The following TLN2 variants were observed in gnomAD, a reference collection of about 807,000 sequenced individuals.
TLN2 encodes talin 2, also known as talin-2.
Under a neutral mutation model 294.7 loss-of-function variants are expected in TLN2, and 118 were observed. The ratio of observed to expected loss-of-function variants is 0.40; its 90% CI spans 0.34 to 0.47. The LOEUF (loss-of-function observed/expected upper bound fraction) is 0.47, where lower values mean the gene tolerates loss of function less well. TLN2 is among the 20% of genes least tolerant of loss of function. The probability of loss-of-function intolerance (pLI) is 0.84; values close to 1 mark genes in which losing one functional copy is unlikely to be tolerated. For synonymous variants in TLN2, 1,431 were observed against 1,304.5 expected (o/e 1.10, Z -2.09); for missense variants, 3,083 against 3,282.2 (o/e 0.94, Z 1.48).
At chr15:62,501,806 T>G (rs1038480471) in intron 1 of TLN2, among the ~76,000 whole-genome samples, 4 of 152,234 alleles carry the variant, frequency 2.6e-5, no homozygotes, top group African/African-American at 7.2e-5. Flanking sequence ...GTTTTTTATT[T>G]AATTTTAAGT....
At position 62,737,058 on chromosome 15, in the gene TLN2, A is replaced by T. The variant is rs760256369; in HGVS notation, c.3539A>T (p.Asp1180Val). 1.2e-6 allele frequency: 2 copies of T among 1,614,224 alleles called. No homozygotes were observed. The highest frequency in any genetic ancestry group is 1.7e-6 in the Non-Finnish European group (2 of 1,180,044). ...EAKQALIAPGDAERQQRLAQV... is the reference protein window; with the variant it reads ...EAKQALIAPGVAERQQRLAQV... Reference sequence around the variant, plus strand: ...AAGCAGGCCCTGATTGCACCTGGAGATGCAGAGCGTCAACAAAGACTGGCT... The same window carrying T: ...AAGCAGGCCCTGATTGCACCTGGAGTTGCAGAGCGTCAACAAAGACTGGCT... The change falls in exon 29 of 59, where the codon GAT (aspartate) becomes GTT (valine). Residue 1180 changes from aspartate (D) to valine (V), a missense_variant. By Grantham distance (152) the Asp-to-Val change is radical. Coordinates refer to ENST00000636159, the MANE Select transcript of TLN2 (RefSeq NM_015059.3).
At chr15:62,605,234 T>C (rs905302097) in intron 2 of TLN2, among the ~76,000 whole-genome samples, 5 of 152,234 alleles carry the variant, frequency 3.3e-5, no homozygotes, top group Admixed American at 2.6e-4. Context: ...TGGGCAATAC[T>C]ATAGTTTATA....
intron 1 of TLN2, among the ~76,000 whole-genome samples, chr15:62,496,785 C>G (rs530473335): frequency 6.6e-6 from 1 of 152,160 alleles, no homozygotes; most frequent in South Asian, 2.1e-4. Flanking sequence ...TGTTATGGAT[C>G]GCGACCAACT....
intron 1 of TLN2, among the ~76,000 whole-genome samples, chr15:62,495,577 C>T (rs2038972856): frequency 6.6e-6 from 1 of 152,212 alleles, no homozygotes; most frequent in South Asian, 2.1e-4. Context: ...AAATTGGGAG[C>T]AAGAGGCTGA....
At chr15:62,536,245 G>C (rs1486937814) in intron 1 of TLN2, among the ~76,000 whole-genome samples, 1 of 152,112 alleles carries the variant, frequency 6.6e-6, no homozygotes, top group Non-Finnish European at 1.5e-5. Context: ...CTCAGGCCTG[G>C]GCTTTTTTAA....
At chr15:62,512,101 G>A (rs1341326451) in intron 1 of TLN2, among the ~76,000 whole-genome samples, 1 of 152,128 alleles carries the variant, frequency 6.6e-6, no homozygotes, top group Non-Finnish European at 1.5e-5. Context: ...GCTGTCCTGG[G>A]TCACAGCTGG....
At chr15:62,563,749 T>C (rs1356066671) in intron 1 of TLN2, among the ~76,000 whole-genome samples, 1 of 152,210 alleles carries the variant, frequency 6.6e-6, no homozygotes, top group African/African-American at 2.4e-5. Flanking sequence ...TTGGGCACAG[T>C]GACCTGTCAT....
At chr15:62,412,451 T>C (rs889959044) in intron 1 of TLN2, among the ~76,000 whole-genome samples, 1 of 152,172 alleles carries the variant, frequency 6.6e-6, no homozygotes, top group Non-Finnish European at 1.5e-5. Flanking sequence ...TAGCTGTCCT[T>C]CTGTTAATGT....
At chr15:62,749,543 C>G (rs2061804220) in intron 33 of TLN2, among the ~76,000 whole-genome samples, 2 of 152,120 alleles carry the variant, frequency 1.3e-5, no homozygotes, top group African/African-American at 4.8e-5. Flanking sequence ...ATGAAATGAG[C>G]TCATTCCTTA....
At chr15:62,751,145 A>T (rs79271433) in intron 34 of TLN2, among the ~76,000 whole-genome samples, 4 of 145,428 alleles carry the variant, frequency 2.8e-5, no homozygotes, top group South Asian at 2.2e-4. Flanking sequence ...GAACAATAAT[A>T]AAAAAAAAAA....
At chr15:62,745,062 C>A (rs1224983044) in intron 32 of TLN2, among the ~76,000 whole-genome samples, 2 of 152,176 alleles carry the variant, frequency 1.3e-5, no homozygotes, top group African/African-American at 4.8e-5. Flanking sequence ...TCTTCTCACA[C>A]TCCACCCCAC....
chr15:62,634,588 C>G (rs996991216), intron 3 of TLN2, among the ~76,000 whole-genome samples: 1 of 152,168 alleles, frequency 6.6e-6, no homozygotes, highest in African/African-American at 2.4e-5. Flanking sequence ...TGTACGTGTC[C>G]AGGCTGCAAT....
intron 21 of TLN2, among the ~76,000 whole-genome samples, chr15:62,710,779 G>C (rs1595746976): frequency 7.0e-6 from 1 of 143,876 alleles, no homozygotes; most frequent in Admixed American, 7.0e-5. Context: ...AGGCTGGAGA[G>C]CAGTGACACA....
chr15:62,690,276 G>C (rs1235181792), intron 12 of TLN2: 1 of 159,894 alleles, frequency 6.3e-6, no homozygotes, highest in Non-Finnish European at 1.3e-5. Context: ...GGGCGGAGGG[G>C]CTCCTCACTT....
At position 62,820,521 on chromosome 15, in the gene TLN2, A is replaced by G. The variant is rs1299525328; in HGVS notation, c.6913A>G (p.Ile2305Val). Residue 2305 changes from isoleucine (I) to valine (V), a missense_variant, in exon 54 of 59, where the codon ATT (isoleucine) becomes GTT (valine). Physicochemically the swap from Ile to Val is conservative, Grantham distance 29. Transcript: ENST00000636159. ...EWVDPEDPTV[I>V]AETELLGAAA... ...GGTGGATCCAGAAGACCCAACTGTC[A>G]TTGCAGAAACAGAGTTACTGGGGGC... is the stretch of plus-strand genomic sequence containing the variant. The G allele has an allele frequency of 1.2e-6, 2 of 1,613,896 alleles. No individual in the cohort carries two copies. The highest frequency in any genetic ancestry group is 1.3e-5 in the African/African-American group (1 of 74,922).
chr15:62,551,038 A>G (rs564926632), intron 1 of TLN2, among the ~76,000 whole-genome samples: 5 of 152,200 alleles, frequency 3.3e-5, no homozygotes, highest in Admixed American at 1.3e-4. Flanking sequence ...TTGATGGGAG[A>G]CAGTGACAGA....
intron 21 of TLN2, among the ~76,000 whole-genome samples, chr15:62,711,064 G>C (rs1458515593): frequency 2.6e-5 from 4 of 152,058 alleles, no homozygotes; most frequent in Non-Finnish European, 5.9e-5. Context: ...TCCAGTCCAG[G>C]ATACCACAGT....
chr15:62,610,039 T>A (rs2047789877), intron 2 of TLN2, among the ~76,000 whole-genome samples: 1 of 152,214 alleles, frequency 6.6e-6, no homozygotes, highest in Admixed American at 6.5e-5. Flanking sequence ...ACCAGACTCA[T>A]CTTGTACTTA....
chr15:62,705,406 C>T (rs1223768543), intron 19 of TLN2, among the ~76,000 whole-genome samples: 2 of 152,228 alleles, frequency 1.3e-5, no homozygotes, highest in Admixed American at 1.3e-4. Flanking sequence ...ATTTATTTTA[C>T]ACTGGCTATA....
Sources: allele counts gnomAD v4.1 joint callset (sites outside exome capture counted in the v4.1 genomes callset), GRCh38; gene constraint gnomAD v4.1.1; transcripts MANE v1.5; gene names NCBI Gene and HGNC (gene_info 2026-07-23, HGNC 2026-07-21).